The following RPS6KC1 variants were observed in gnomAD, a reference collection of about 807,000 sequenced individuals.
The protein encoded by RPS6KC1 is inactive ribosomal protein S6 kinase delta-1.
A neutral mutation model predicts 103.8 loss-of-function variants in RPS6KC1; 54 were observed. The ratio of observed to expected loss-of-function variants is 0.52; its 90% CI spans 0.42 to 0.65. The LOEUF is 0.65. Among genes scored for constraint, RPS6KC1 ranks in the 30% least tolerant of loss-of-function variants. The pLI is 0.00. For synonymous variants in RPS6KC1, 439 were observed against 438.7 expected, an observed-to-expected ratio of 1.00 and a Z score of -0.01; for missense variants, 1,151 against 1,253.8, an observed-to-expected ratio of 0.92 and a Z score of 1.24.
chr1:213,251,518 C>T (rs2094546152), intron 12 of RPS6KC1, among the ~76,000 whole-genome samples: 1 of 152,200 alleles, frequency 6.6e-6, no homozygotes, highest in African/African-American at 2.4e-5. Flanking sequence ...CATTCCACCA[C>T]CTGAGTTTAG....
the RPS6KC1 span, among the ~76,000 whole-genome samples, chr1:213,657,381 G>A: frequency 1.3e-5 from 2 of 152,192 alleles, no homozygotes; most frequent in Non-Finnish European, 2.9e-5. Flanking sequence ...GCGATAGTTG[G>A]ATGATGAAGA....
chr1:213,572,050 C>A, the RPS6KC1 span, among the ~76,000 whole-genome samples: 1 of 152,144 alleles, frequency 6.6e-6, no homozygotes, highest in Non-Finnish European at 1.5e-5. Flanking sequence ...TTAGGCTTCC[C>A]TAGATATGGA....
At chr1:213,595,959 T>G in the RPS6KC1 span, among the ~76,000 whole-genome samples, 1 of 152,138 alleles carries the variant, frequency 6.6e-6, no homozygotes, top group Non-Finnish European at 1.5e-5. Context: ...GATTTTTTTT[T>G]TGCTGTTGTG....
chr1:213,491,597 A>G, the RPS6KC1 span, among the ~76,000 whole-genome samples: 1 of 152,202 alleles, frequency 6.6e-6, no homozygotes, highest in African/African-American at 2.4e-5. Context: ...CTGAGTCAGG[A>G]GCAAGGCGTT....
At chr1:213,835,610 G>A in the RPS6KC1 span, among the ~76,000 whole-genome samples, 1 of 152,170 alleles carries the variant, frequency 6.6e-6, no homozygotes, top group South Asian at 2.1e-4. Flanking sequence ...GGAATAGCAT[G>A]AACAGGATGT....
the RPS6KC1 span, among the ~76,000 whole-genome samples, chr1:213,312,950 C>T: frequency 6.6e-6 from 1 of 152,102 alleles, no homozygotes; most frequent in African/African-American, 2.4e-5. Flanking sequence ...TCTCATGATT[C>T]CTTTCCCTTC....
At chr1:213,199,400 A>G (rs769245599) in intron 8 of RPS6KC1, among the ~76,000 whole-genome samples, 11 of 152,304 alleles carry the variant, frequency 7.2e-5, no homozygotes, top group Middle Eastern at 3.4e-3. Flanking sequence ...CAAAAACCAC[A>G]TGGTTATCTC....
the RPS6KC1 span, among the ~76,000 whole-genome samples, chr1:213,838,654 A>T: frequency 5.3e-5 from 8 of 152,210 alleles, no homozygotes; most frequent in Admixed American, 5.2e-4. Context: ...TGCAACCTAA[A>T]TGAGAGGCAT....
chr1:213,599,300 A>AG, the RPS6KC1 span, among the ~76,000 whole-genome samples: 6 of 152,058 alleles, frequency 3.9e-5, no homozygotes, highest in African/African-American at 1.4e-4. Context: ...CAGCCTGTTG[A>AG]GGGGGTCTCT....
the RPS6KC1 span, among the ~76,000 whole-genome samples, chr1:213,548,137 C>A: frequency 6.6e-6 from 1 of 152,216 alleles, no homozygotes; most frequent in Non-Finnish European, 1.5e-5. Context: ...GGTGTATTTA[C>A]ATGATACCAA....
chr1:213,270,331 A>G (rs1382521957), intron 14 of RPS6KC1, among the ~76,000 whole-genome samples: 1 of 152,256 alleles, frequency 6.6e-6, no homozygotes, highest in Non-Finnish European at 1.5e-5. Flanking sequence ...TAAAAATTGT[A>G]GAAGAAAACA....
chr1:213,202,871 A>C (rs189072528), intron 8 of RPS6KC1, among the ~76,000 whole-genome samples: 1 of 152,310 alleles, frequency 6.6e-6, no homozygotes, highest in Admixed American at 6.5e-5. Context: ...TTATTACGCT[A>C]TTCTAAATGC....
At position 213,272,937 on chromosome 1, in the gene RPS6KC1, C is replaced by G; in HGVS notation, c.*303C>G. On this transcript the variant is annotated 3_prime_UTR_variant, in exon 15 of 15. Transcript: ENST00000366960. Reference sequence around the variant, plus strand: ...ACTGAAAGAGTTCCTTCAAGAAGTTCCTCTGATAGGAAGCTAGAAGTGTAG... The same window carrying G: ...ACTGAAAGAGTTCCTTCAAGAAGTTGCTCTGATAGGAAGCTAGAAGTGTAG... 4.7e-6 allele frequency: 1 copy of G among 213,170 alleles called. No individual in the cohort carries two copies. The highest frequency in any genetic ancestry group is 9.6e-6 in the Non-Finnish European group (1 of 103,662). 13.2% of individuals were successfully genotyped at this position (213,170 alleles called of 1,614,324 possible).
At chr1:213,709,274 C>T in the RPS6KC1 span, among the ~76,000 whole-genome samples, 1 of 152,070 alleles carries the variant, frequency 6.6e-6, no homozygotes. Flanking sequence ...CTGGTTTAGT[C>T]TTGGGAGGGT....
At chr1:213,210,899 A>G (rs532530464) in intron 8 of RPS6KC1, among the ~76,000 whole-genome samples, 1 of 152,330 alleles carries the variant, frequency 6.6e-6, no homozygotes, top group South Asian at 2.1e-4. Context: ...ATTATGAGAG[A>G]ACATTTATTA....
chr1:213,562,715 G>A, the RPS6KC1 span, among the ~76,000 whole-genome samples: 1 of 151,896 alleles, frequency 6.6e-6, no homozygotes, highest in Non-Finnish European at 1.5e-5. Flanking sequence ...CCTGGCTCAG[G>A]TGCAGTGGTG....
chr1:213,149,632 G>A (rs1276801517), intron 6 of RPS6KC1, among the ~76,000 whole-genome samples: 7 of 152,212 alleles, frequency 4.6e-5, no homozygotes, highest in Non-Finnish European at 8.8e-5. Flanking sequence ...GCCCTTGGAT[G>A]AAATGTCCTG....
chr1:213,736,674 A>G, the RPS6KC1 span, among the ~76,000 whole-genome samples: 1 of 152,214 alleles, frequency 6.6e-6, no homozygotes, highest in Non-Finnish European at 1.5e-5. Flanking sequence ...CAACCTCATC[A>G]TTCCAACCTT....
chr1:213,857,679 C>T, the RPS6KC1 span, among the ~76,000 whole-genome samples: 1 of 152,212 alleles, frequency 6.6e-6, no homozygotes, highest in Non-Finnish European at 1.5e-5. Flanking sequence ...AGGCTTGCTA[C>T]TATCGCACAC....
Sources: gnomAD v4.1 joint callset for allele counts (sites outside exome capture counted in the v4.1 genomes callset) on GRCh38, gnomAD v4.1.1 for gene constraint, MANE v1.5 for transcripts, NCBI Gene and HGNC (gene_info 2026-07-23, HGNC 2026-07-21) for gene names.